PEAK1: variants seen among roughly 807,000 people sequenced by gnomAD.
The protein encoded by PEAK1 is pseudopodium enriched atypical kinase 1.
Under a neutral mutation model 124.7 loss-of-function variants are expected in PEAK1, and 54 were observed. That is an observed-to-expected ratio of 0.43 (90% CI 0.35 to 0.54). PEAK1 has a LOEUF of 0.54. PEAK1 is among the 20% of genes least tolerant of loss of function. The probability of loss-of-function intolerance (pLI) is 0.01; values close to 1 mark genes in which losing one functional copy is unlikely to be tolerated. For missense variants in PEAK1, 2,046 were observed against 2,134.5 expected (o/e 0.96, Z 0.82); for synonymous variants, 719 against 760.0 (o/e 0.95, Z 0.89).
At chr15:77,223,692 A>G (rs143054167) in intron 6 of PEAK1, among the ~76,000 whole-genome samples, 326 of 152,152 alleles carry the variant, frequency 2.1e-3, no homozygotes, top group African/African-American at 7.7e-3. Flanking sequence ...CATAGAGAGA[A>G]TACTTAATTA....
chr15:77,154,789 TC>T (rs1486849570), intron 8 of PEAK1, among the ~76,000 whole-genome samples: 1 of 151,928 alleles, frequency 6.6e-6, no homozygotes, highest in East Asian at 1.9e-4. Flanking sequence ...AAAATTCTTT[TC>T]TTTAAGAATG....
At chr15:77,291,125 C>T (rs2063189552) in intron 2 of PEAK1, among the ~76,000 whole-genome samples, 1 of 152,134 alleles carries the variant, frequency 6.6e-6, no homozygotes, top group Non-Finnish European at 1.5e-5. Context: ...TTTGTAAATG[C>T]CAATTCCCTG....
chr15:77,342,745 G>C (rs56263908), intron 2 of PEAK1, among the ~76,000 whole-genome samples: 1 of 152,032 alleles, frequency 6.6e-6, no homozygotes, highest in African/African-American at 2.4e-5. Context: ...ATTTCACTTA[G>C]CATAATGTCT....
intron 2 of PEAK1, among the ~76,000 whole-genome samples, chr15:77,317,058 G>A (rs920605237): frequency 1.2e-4 from 19 of 152,162 alleles, no homozygotes; most frequent in African/African-American, 4.6e-4. Context: ...TCCAGCCTGG[G>A]TGACAGAGCA....
chr15:77,362,863 A>T (rs1237096931), intron 2 of PEAK1, among the ~76,000 whole-genome samples: 7 of 152,034 alleles, frequency 4.6e-5, no homozygotes, highest in African/African-American at 1.2e-4. Context: ...TTATTTATTT[A>T]TTTATTTTTT....
At chr15:77,118,479 T>C (rs1230680947) in intron 9 of PEAK1, among the ~76,000 whole-genome samples, 1 of 152,176 alleles carries the variant, frequency 6.6e-6, no homozygotes, top group East Asian at 1.9e-4. Context: ...GTTCAAAAGT[T>C]ATTTCAGAAA....
chr15:77,367,827 A>G (rs2068357608), intron 1 of PEAK1, among the ~76,000 whole-genome samples: 1 of 152,220 alleles, frequency 6.6e-6, no homozygotes. Flanking sequence ...AGTATTCATT[A>G]CATGCCTCCA....
intron 8 of PEAK1, among the ~76,000 whole-genome samples, chr15:77,145,901 C>T (rs1596342538): frequency 6.6e-6 from 1 of 152,136 alleles, no homozygotes; most frequent in Admixed American, 6.6e-5. Context: ...TAGCCTGGTA[C>T]CAGGGAGATA....
chr15:77,339,115 CTTTT>C (rs398057842), intron 2 of PEAK1, among the ~76,000 whole-genome samples: 1 of 139,392 alleles, frequency 7.2e-6, no homozygotes, highest in South Asian at 2.3e-4. Flanking sequence ...AATGTTAAGA[CTTTT>C]TTTTTTTTTT....
intron 5 of PEAK1, among the ~76,000 whole-genome samples, chr15:77,254,613 T>G (rs1461902766): frequency 6.6e-6 from 1 of 152,066 alleles, no homozygotes; most frequent in Admixed American, 6.6e-5. Context: ...TTACATTTTT[T>G]GTAGAAACTG....
At chr15:77,265,519 TG>T (rs1567186845) in intron 5 of PEAK1, among the ~76,000 whole-genome samples, 1 of 152,192 alleles carries the variant, frequency 6.6e-6, no homozygotes, top group Non-Finnish European at 1.5e-5. Flanking sequence ...TCACCATCAC[TG>T]GCCATCAGAG....
intron 6 of PEAK1, among the ~76,000 whole-genome samples, chr15:77,196,856 T>C (rs1388589818): frequency 6.6e-6 from 1 of 152,088 alleles, no homozygotes; most frequent in African/African-American, 2.4e-5. Context: ...AATTAATTAA[T>C]TAACTAATTT....
chr15:77,119,300 T>C (rs2051695464), intron 9 of PEAK1, among the ~76,000 whole-genome samples: 2 of 152,222 alleles, frequency 1.3e-5, no homozygotes, highest in Admixed American at 1.3e-4. Flanking sequence ...AGCTGGTATA[T>C]ACATATGCAC....
chr15:77,160,894 G>T (rs2055575801), intron 7 of PEAK1, among the ~76,000 whole-genome samples: 1 of 152,072 alleles, frequency 6.6e-6, no homozygotes, highest in African/African-American at 2.4e-5. Context: ...GGGTTCAGAA[G>T]CCACGATTCC....
chr15:77,365,880 C>A (rs575172351), intron 1 of PEAK1, among the ~76,000 whole-genome samples: 1 of 152,018 alleles, frequency 6.6e-6, no homozygotes, highest in Admixed American at 6.5e-5. Flanking sequence ...GATTGCCCAT[C>A]CTCATAGAAA....
At chr15:77,239,163 G>A (rs1484786014) in intron 6 of PEAK1, among the ~76,000 whole-genome samples, 1 of 152,150 alleles carries the variant, frequency 6.6e-6, no homozygotes, top group African/African-American at 2.4e-5. Flanking sequence ...TTTTGGCAGA[G>A]ATAAATGGAC....
At chr15:77,379,287 C>G (rs746017291) in intron 1 of PEAK1, among the ~76,000 whole-genome samples, 7 of 152,110 alleles carry the variant, frequency 4.6e-5, no homozygotes, top group Non-Finnish European at 1.0e-4. Flanking sequence ...AGCAGTCCTT[C>G]TAAGAGGAAC....
intron 6 of PEAK1, among the ~76,000 whole-genome samples, chr15:77,237,512 C>A (rs1227025920): frequency 6.6e-6 from 1 of 150,642 alleles, no homozygotes; most frequent in African/African-American, 2.4e-5. Context: ...TATTTGTTTA[C>A]ATTTCCTTGT....
At chr15:77,341,835 G>A (rs1007034593) in intron 2 of PEAK1, among the ~76,000 whole-genome samples, 4 of 152,172 alleles carry the variant, frequency 2.6e-5, no homozygotes, top group Non-Finnish European at 5.9e-5. Context: ...TGTACCACAA[G>A]CATATTAATG....
Sources: allele counts gnomAD v4.1 joint callset (sites outside exome capture counted in the v4.1 genomes callset), GRCh38; gene constraint gnomAD v4.1.1; transcripts MANE v1.5; gene names NCBI Gene and HGNC (gene_info 2026-07-23, HGNC 2026-07-21).